Variants in LMOD1 observed in about 807,000 individuals in gnomAD.
The protein encoded by LMOD1 is leiomodin-1.
LMOD1 carries 8 observed loss-of-function variants against 36.5 expected under a neutral mutation model. The observed-to-expected ratio is 0.22, with a 90% CI of 0.13 to 0.40. The LOEUF (loss-of-function observed/expected upper bound fraction) is 0.40, where lower values mean the gene tolerates loss of function less well. Among genes scored for constraint, LMOD1 ranks in the 10% least tolerant of loss-of-function variants. The pLI is 1.00. For missense variants in LMOD1, 630 were observed against 751.1 expected, an observed-to-expected ratio of 0.84 and a Z score of 1.88; for synonymous variants, 284 against 288.7, an observed-to-expected ratio of 0.98 and a Z score of 0.17.
intron 1 of LMOD1, among the ~76,000 whole-genome samples, chr1:201,902,097 G>T (rs72742100): frequency 2.0e-5 from 3 of 151,200 alleles, no homozygotes; most frequent in African/African-American, 7.3e-5. Context: ...ATGCCCATCC[G>T]ATATTTTAAA....
intron 1 of LMOD1, among the ~76,000 whole-genome samples, chr1:201,908,076 C>T (rs969019257): frequency 6.6e-6 from 1 of 152,198 alleles, no homozygotes; most frequent in Non-Finnish European, 1.5e-5. Context: ...GCAGCCTCCC[C>T]CAAAAGGCCA....
chr1:201,912,952 C>T (rs1430753739), intron 1 of LMOD1, among the ~76,000 whole-genome samples: 1 of 152,184 alleles, frequency 6.6e-6, no homozygotes, highest in Non-Finnish European at 1.5e-5. Context: ...CCTGCTAAGG[C>T]CTGCAAACTT....
chr1:201,936,754 T>C (rs1297696597), intron 1 of LMOD1, among the ~76,000 whole-genome samples: 1 of 152,062 alleles, frequency 6.6e-6, no homozygotes, highest in African/African-American at 2.4e-5. Context: ...CTGGCCAACA[T>C]GGTGAAACCC....
rs890940437 is a variant in LMOD1, at chr1:201,939,643, G to T, written c.261+6437C>A. Among the ~76,000 whole-genome samples, 5 of 152,186 alleles carry T rather than the reference G, an allele frequency of 3.3e-5. No individual in the cohort carries two copies. In the East Asian group the frequency reaches 9.6e-4, roughly 29 times the overall value. On this transcript the variant is annotated intron_variant, in intron 1 of 2. Coordinates refer to ENST00000367288, the MANE Select transcript of LMOD1 (RefSeq NM_012134.3). ...AATAAGGAAGGGCCTGATCTGGAAA[G>T]GCCTGCATTCTATGGCTCAGGATAT...
At chr1:201,918,073 C>A (rs1681639530) in intron 1 of LMOD1, among the ~76,000 whole-genome samples, 1 of 152,228 alleles carries the variant, frequency 6.6e-6, no homozygotes, top group South Asian at 2.1e-4. Flanking sequence ...CTAAGCCCTG[C>A]AAATTCTGTA....
intron 1 of LMOD1, among the ~76,000 whole-genome samples, chr1:201,942,345 C>A (rs1337763510): frequency 6.6e-6 from 1 of 152,156 alleles, no homozygotes; most frequent in Admixed American, 6.5e-5. Flanking sequence ...GGTATTGGAG[C>A]GCTCAGACAA....
At chr1:201,931,002 C>A (rs911624108) in intron 1 of LMOD1, among the ~76,000 whole-genome samples, 1 of 152,114 alleles carries the variant, frequency 6.6e-6, no homozygotes, top group African/African-American at 2.4e-5. Context: ...CTGTGCAGTG[C>A]GGGGGCAGAG....
intron 1 of LMOD1, among the ~76,000 whole-genome samples, chr1:201,937,372 A>G (rs1030536928): frequency 3.3e-5 from 5 of 152,074 alleles, no homozygotes; most frequent in Non-Finnish European, 7.4e-5. Flanking sequence ...CCTTGAGCTC[A>G]GGAGTTTGAA....
At chr1:201,940,587 C>CTT (rs1256274142) in intron 1 of LMOD1, among the ~76,000 whole-genome samples, 55 of 122,054 alleles carry the variant, frequency 4.5e-4, no homozygotes, top group African/African-American at 1.4e-3. Context: ...TGCTCAAAGT[C>CTT]TTTTTTTTTT....
Position 201,913,669 on chromosome 1 carries a change from C to G in LMOD1, c.262-12918G>C, listed in dbSNP as rs1222533953. ...AGGCTCGCCTCCTTAATCCTCAATT[C>G]TCATCTAGATCATTGCTAACCCTTT... On this transcript the variant is annotated intron_variant, in intron 1 of 2. Coordinates refer to ENST00000367288, the MANE Select transcript of LMOD1 (RefSeq NM_012134.3). Among the ~76,000 whole-genome samples, 6 of 152,140 alleles carry G rather than the reference C, an allele frequency of 3.9e-5. No homozygotes were observed. In the East Asian group the frequency reaches 9.6e-4, roughly 24 times the overall value.
At position 201,900,185 on chromosome 1, in the gene LMOD1, G is replaced by A. The variant is rs34071835; in HGVS notation, c.828C>T (p.Pro276=). Residue 276 remains proline, a synonymous_variant, in exon 2 of 3, where the codon CCC becomes CCT. Transcript: ENST00000367288. ...CATCCTTGGCTTCCTTTTCATGTAA[G>A]GGTTCATTCTTCTTGACTTTTTCAT... is the stretch of plus-strand genomic sequence containing the variant. ...KDDEKVKKNE[P]LHEKEAKDDS... 6.6e-5 allele frequency: 107 copies of A among 1,613,738 alleles called. No homozygotes were observed. The African/African-American group carries it at 1.2e-3, about 18-fold the overall frequency.
In LMOD1 at chr1:201,899,924, C is replaced by T. The variant is rs1426897299; in HGVS notation, c.1089G>A (p.Leu363=). The change falls in exon 2 of 3, where the codon CTG becomes CTA. Residue 363 remains leucine (L), a synonymous_variant. Coordinates refer to ENST00000367288, the MANE Select transcript of LMOD1 (RefSeq NM_012134.3). The surrounding 1 kb of genome is among the most constrained non-coding windows in gnomAD (Gnocchi z 6.3). ...CGGCTCGCGTGTTGGCCAAGGCGAA[C>T]AGCTTAACCACAGTGTTGAACTCCA... ...EALEFNTVVK[L]FALANTRADD... The T allele has an allele frequency of 1.2e-6, 2 of 1,613,986 alleles. No homozygotes were observed. Among genetic ancestry groups the T allele is most frequent in the Admixed American group, 1.7e-5 (1 of 60,012 alleles).
chr1:201,936,058 T>C (rs1054905648), intron 1 of LMOD1, among the ~76,000 whole-genome samples: 2 of 134,448 alleles, frequency 1.5e-5, no homozygotes, highest in African/African-American at 5.8e-5. Context: ...GAGGTTGCAG[T>C]GAGCCGAGAT....
At chr1:201,912,780 A>T (rs968587649) in intron 1 of LMOD1, among the ~76,000 whole-genome samples, 7 of 151,982 alleles carry the variant, frequency 4.6e-5, no homozygotes, top group African/African-American at 1.7e-4. Context: ...AATCACTTGA[A>T]CCCGGGAGGC....
At position 201,896,559 on chromosome 1, in the gene LMOD1, T is replaced by C. The variant is rs1340747088; in HGVS notation, c.*1813A>G. 2.0e-5 allele frequency: 9 copies of C among 456,496 alleles called. No homozygotes were observed. Among genetic ancestry groups the C allele is most frequent in the Admixed American group, 2.4e-5 (1 of 42,552 alleles). The allele number at this position is 456,496 out of a possible 1,614,324, so 28.3% of individuals were successfully genotyped here. A position where few individuals can be genotyped will look rare whatever the true frequency, so the allele number is the denominator to read the frequency against. On this transcript the variant is annotated 3_prime_UTR_variant, in exon 3 of 3. Coordinates refer to ENST00000367288, the MANE Select transcript of LMOD1 (RefSeq NM_012134.3). ...GAATATTGGTATCCACCTCACAGAG[T>C]TGAAGGATCAGCTGAAGCAACCTAA...
chr1:201,915,789 A>G lies in LMOD1; in HGVS notation c.262-15038T>C, dbSNP rs954441776. Among the ~76,000 whole-genome samples the G allele has an allele frequency of 2.6e-5, 4 of 152,030 alleles. No individual in the cohort carries two copies. The South Asian group carries it at 6.2e-4, about 24-fold the overall frequency. ...AGATGTTCCCTTGGTCCAGGCCACTATCACCTCTCATGGGGTTATAGCAAC... is the reference window on the plus strand; with the variant it reads ...AGATGTTCCCTTGGTCCAGGCCACTGTCACCTCTCATGGGGTTATAGCAAC... On this transcript the variant is annotated intron_variant, in intron 1 of 2. Transcript: ENST00000367288.
At chr1:201,940,770 C>T (rs1213974769) in intron 1 of LMOD1, among the ~76,000 whole-genome samples, 12 of 127,400 alleles carry the variant, frequency 9.4e-5, no homozygotes, top group South Asian at 2.5e-4. Context: ...TTTTTTGAGA[C>T]GGAATTCTGC....
rs191204113 is a variant in LMOD1, at chr1:201,925,774, G to A, written c.261+20306C>T. Among the ~76,000 whole-genome samples, 5 of 151,466 alleles carry A rather than the reference G, an allele frequency of 3.3e-5. No individual in the cohort carries two copies. The East Asian group carries it at 5.8e-4, about 18-fold the overall frequency. On this transcript the variant is annotated intron_variant, in intron 1 of 2. Coordinates refer to ENST00000367288, the MANE Select transcript of LMOD1 (RefSeq NM_012134.3). ...GGCTGGAGTGCAGTGGTGTGATCAT[G>A]GCTAACTGCAGCCTCAACCTCCCAG...
At position 201,899,997 on chromosome 1, in the gene LMOD1, T is replaced by C; in HGVS notation, c.1016A>G (p.Asn339Ser). The C allele has an allele frequency of 6.2e-7, 1 of 1,613,920 alleles. No individual in the cohort carries two copies. Among genetic ancestry groups the C allele is most frequent in the Non-Finnish European group, 8.5e-7 (1 of 1,179,876 alleles). The change falls in exon 2 of 3, where the codon AAC becomes AGC. Residue 339 changes from asparagine (N) to serine (S), a missense_variant. Around this residue, in one of 3 missense-constraint regions of LMOD1, gnomAD observed 81 missense variants for 180.6 expected, o/e 0.45. Coordinates refer to ENST00000367288, the MANE Select transcript of LMOD1 (RefSeq NM_012134.3). This position sits in a 1 kb window ranked among gnomAD's most constrained non-coding sequence, Gnocchi z 6.3. Reference sequence around the variant, plus strand: ...GATCTCATTTGTGATGCAGTCTGAGTTGTTGACGTTCACCTCAGTCATCTC... The same window carrying C: ...GATCTCATTTGTGATGCAGTCTGAGCTGTTGACGTTCACCTCAGTCATCTC... ...DPEMTEVNVN[N>S]SDCITNEILV...
Sources: gnomAD v4.1 joint callset for allele counts (sites outside exome capture counted in the v4.1 genomes callset) on GRCh38, gnomAD v4.1.1 for gene constraint, gnomAD v4.1.1 regional missense constraint, Gnocchi (gnomAD v3.1) non-coding constraint, MANE v1.5 for transcripts, NCBI Gene and HGNC (gene_info 2026-07-23, HGNC 2026-07-21) for gene names.